The following TCERG1 variants were observed in gnomAD, a reference collection of about 807,000 sequenced individuals.
TCERG1 encodes transcription elongation regulator 1, also known as TATA box binding protein (TBP)-associated factor, RNA polymerase II, S, 150kD.
TCERG1 carries 37 observed loss-of-function variants against 144.7 expected under a neutral mutation model. The observed-to-expected ratio is 0.26, with a 90% CI of 0.20 to 0.34. TCERG1 has a LOEUF of 0.34. Ranked by LOEUF, TCERG1 falls within the 10% of genes least tolerant of loss-of-function variation. The pLI is 1.00. For synonymous variants in TCERG1, 492 were observed against 458.2 expected (o/e 1.07, Z -0.94); for missense variants, 1,027 against 1,380.7 (o/e 0.74, Z 4.06).
intron 16 of TCERG1, among the ~76,000 whole-genome samples, chr5:146,494,470 G>A (rs1046659232): frequency 1.3e-5 from 2 of 152,118 alleles, no homozygotes; most frequent in Admixed American, 6.5e-5. Context: ...TACTCTACTG[G>A]TGTTCTTTTC....
chr5:146,460,346 CTTTTTTT>C (rs1011514887), intron 4 of TCERG1, among the ~76,000 whole-genome samples: 4 of 142,554 alleles, frequency 2.8e-5, no homozygotes, highest in Non-Finnish European at 6.2e-5. Context: ...TTTCTTTTTT[CTTTTTTT>C]TTTTGTATCA....
chr5:146,507,758 G>C lies in TCERG1; in HGVS notation c.2962-115G>C. 1 of 615,762 alleles carries C rather than the reference G, an allele frequency of 1.6e-6. No individual in the cohort carries two copies. The highest frequency in any genetic ancestry group is 2.7e-6 in the Non-Finnish European group (1 of 368,378). The allele number at this position is 615,762 out of a possible 1,614,324, so 38.1% of individuals were successfully genotyped here. ...GTCCCTAACTAGTCCAGTTACGCTT[G>C]GGCATTACAAGAGATCGCAGGTCAG... On this transcript the variant is annotated intron_variant, in intron 20 of 22. Transcript: ENST00000679501. The surrounding 1 kb of genome is among the most constrained non-coding windows in gnomAD (Gnocchi z 4.6).
chr5:146,471,406 T>G, intron 8 of TCERG1, 82 bp from the exon 9 acceptor site: 3 of 1,272,416 alleles, frequency 2.4e-6, no homozygotes, highest in Non-Finnish European at 3.3e-6. Context: ...GATTGCACTT[T>G]GAGCTGTTTG....
At chr5:146,482,945 CTT>C (rs758061911) in intron 14 of TCERG1, among the ~76,000 whole-genome samples, 6 of 152,028 alleles carry the variant, frequency 3.9e-5, no homozygotes, top group Admixed American at 1.3e-4. Context: ...ACAAATAACA[CTT>C]AACATTTATT....
At chr5:146,473,169 TAAG>T (rs1764509157) in intron 9 of TCERG1, among the ~76,000 whole-genome samples, 1 of 152,196 alleles carries the variant, frequency 6.6e-6, no homozygotes, top group East Asian at 1.9e-4. Flanking sequence ...CATGTGAACA[TAAG>T]AATGATAAGA....
chr5:146,463,941 T>A, intron 5 of TCERG1, 148 bp downstream of exon 5: 1 of 1,173,180 alleles, frequency 8.5e-7, no homozygotes, highest in East Asian at 2.4e-5. Context: ...TGCAATATTT[T>A]CTCTTAAGTT....
chr5:146,491,853 C>T lies in TCERG1; in HGVS notation c.2164-1067C>T, dbSNP rs189436678. Among the ~76,000 whole-genome samples the T allele has an allele frequency of 5.3e-5, 8 of 152,208 alleles. No individual in the cohort carries two copies. The South Asian group carries it at 1.0e-3, about 20-fold the overall frequency. ...TAAGTGTCAAGTACCTGTAGACATA[C>T]GTAAGGGTATAAGCATGGCTGTTCA... is the stretch of plus-strand genomic sequence containing the variant. On this transcript the variant is annotated intron_variant, in intron 15 of 22. Transcript: ENST00000679501.
intron 9 of TCERG1, 84 bp from the exon 10 acceptor site, chr5:146,478,409 C>T: frequency 7.2e-7 from 1 of 1,380,864 alleles, no homozygotes; most frequent in South Asian, 1.9e-5. Flanking sequence ...CCCTCATCTC[C>T]CTACTTGTAA....
chr5:146,494,160 T>C (rs1321199498), intron 16 of TCERG1, among the ~76,000 whole-genome samples: 1 of 152,016 alleles, frequency 6.6e-6, no homozygotes, highest in Non-Finnish European at 1.5e-5. Flanking sequence ...TGAGTCAAAA[T>C]AGTTGAGTCT....
chr5:146,499,988 T>A (rs1237315865), intron 17 of TCERG1: 2 of 152,168 alleles, frequency 1.3e-5, no homozygotes, highest in African/African-American at 4.8e-5. Context: ...TACATTTTTT[T>A]AGTCTTTTTC....
In TCERG1 at chr5:146,482,586, T is replaced by C. The variant is rs1765458816; in HGVS notation, c.1938-6T>C. On this transcript the variant is annotated splice_region_variant and splice_polypyrimidine_tract_variant and intron_variant, in intron 13 of 22. Transcript: ENST00000679501. Reference sequence around the variant, plus strand: ...CAGTTGATGTCTTATATTTTATTTTTTATAGGAGAGACGATAATAAAGACA... The same window carrying C: ...CAGTTGATGTCTTATATTTTATTTTCTATAGGAGAGACGATAATAAAGACA... 6.2e-7 allele frequency: 1 copy of C among 1,601,460 alleles called. No homozygotes were observed. The highest frequency in any genetic ancestry group is 2.2e-5 in the East Asian group (1 of 44,678).
intron 15 of TCERG1, among the ~76,000 whole-genome samples, chr5:146,487,194 A>T (rs935595969): frequency 3.9e-5 from 6 of 152,218 alleles, no homozygotes; most frequent in African/African-American, 4.8e-5. Flanking sequence ...AAATCAAGAA[A>T]GCAATCCCAT....
chr5:146,492,758 G>A, intron 15 of TCERG1, 162 bp from the exon 16 acceptor site: 2 of 491,202 alleles, frequency 4.1e-6, no homozygotes, highest in Non-Finnish European at 7.2e-6. Context: ...ATATCTCAGT[G>A]AAGCTTTAAA....
chr5:146,460,038 G>A (rs1390538685), intron 4 of TCERG1, among the ~76,000 whole-genome samples: 1 of 152,054 alleles, frequency 6.6e-6, no homozygotes, highest in Admixed American at 6.5e-5. Context: ...TTTTTTGGGT[G>A]GTGATGAAAT....
At chr5:146,490,465 C>G (rs1766292853) in intron 15 of TCERG1, among the ~76,000 whole-genome samples, 1 of 152,166 alleles carries the variant, frequency 6.6e-6, no homozygotes, top group Non-Finnish European at 1.5e-5. Context: ...TTATTGTACC[C>G]TTATTTGGAA....
chr5:146,494,737 G>C (rs1359773631), intron 16 of TCERG1, among the ~76,000 whole-genome samples: 1 of 151,942 alleles, frequency 6.6e-6, no homozygotes, highest in African/African-American at 2.4e-5. Context: ...AGTAAATATA[G>C]AGCACCAGAG....
At chr5:146,454,115 C>T (rs932999100) in intron 1 of TCERG1, among the ~76,000 whole-genome samples, 1 of 150,656 alleles carries the variant, frequency 6.6e-6, no homozygotes, top group Non-Finnish European at 1.5e-5. Context: ...GGAGAAGAAT[C>T]GCCTGAACCC....
At chr5:146,491,127 GCA>G (rs1462972326) in intron 15 of TCERG1, among the ~76,000 whole-genome samples, 1 of 151,364 alleles carries the variant, frequency 6.6e-6, no homozygotes, top group African/African-American at 2.4e-5. Flanking sequence ...CTTAAGTGAA[GCA>G]CTAAAATGCT....
Position 146,480,067 on chromosome 5 carries a change from A to C in TCERG1, c.1859A>C (p.Asp620Ala). The C allele has an allele frequency of 6.2e-7, 1 of 1,601,242 alleles. No homozygotes were observed. The highest frequency in any genetic ancestry group is 8.5e-7 in the Non-Finnish European group (1 of 1,174,996). The change falls in exon 12 of 23, where the codon GAT becomes GCT. Residue 620 changes from aspartate to alanine, a missense_variant. Physicochemically the swap from Asp to Ala is moderately radical, Grantham distance 126 (BLOSUM62 -2). Around this residue, in one of 6 missense-constraint regions of TCERG1, gnomAD observed 482 missense variants for 632.6 expected, o/e 0.76. Coordinates refer to ENST00000679501, the MANE Select transcript of TCERG1 (RefSeq NM_001382548.1). ...GAATTAATGGAAGAAATTAATGAAG[A>C]TGAGCCTGTTAAAGCAAAAAAACGG... ...EQELMEEINE[D>A]EPVKAKKRKR... is the part of the protein sequence containing the mutation.
Sources: allele counts gnomAD v4.1 joint callset (sites outside exome capture counted in the v4.1 genomes callset), GRCh38; gene constraint gnomAD v4.1.1; regional missense constraint gnomAD v4.1.1; non-coding constraint Gnocchi (gnomAD v3.1); transcripts MANE v1.5; gene names NCBI Gene and HGNC (gene_info 2026-07-23, HGNC 2026-07-21).